Variants in DNAJC1 observed in about 807,000 individuals in gnomAD.
The protein encoded by DNAJC1 is DnaJ heat shock protein family (Hsp40) member C1.
DNAJC1 carries 58 observed loss-of-function variants against 76.6 expected under a neutral mutation model. The ratio of observed to expected loss-of-function variants is 0.76; its 90% CI spans 0.61 to 0.94. DNAJC1 has a LOEUF of 0.94. Among genes scored for constraint, DNAJC1 ranks in the 40% least tolerant of loss-of-function variants. The pLI is 0.00. For synonymous variants in DNAJC1, 258 were observed against 267.9 expected (o/e 0.96, Z 0.36); for missense variants, 689 against 677.3 (o/e 1.02, Z -0.19).
chr10:21,891,796 T>C lies in DNAJC1; in HGVS notation c.821-9357A>G, dbSNP rs76212564. On this transcript the variant is annotated intron_variant, in intron 7 of 11. Transcript: ENST00000376980. ...AAATAATTCGTCACCAGTGGACCTATCCTGCAATAATGGCTAAAAGAAGCT... is the reference window on the plus strand; with the variant it reads ...AAATAATTCGTCACCAGTGGACCTACCCTGCAATAATGGCTAAAAGAAGCT... Among the ~76,000 whole-genome samples, 150 of 152,232 alleles carry C rather than the reference T, an allele frequency of 9.9e-4. 1 individual carries two copies. The highest frequency in any genetic ancestry group is 3.5e-3 in the African/African-American group (145 of 41,534).
chr10:21,908,573 G>A (rs1040768245), intron 6 of DNAJC1, among the ~76,000 whole-genome samples: 2 of 150,062 alleles, frequency 1.3e-5, no homozygotes, highest in East Asian at 3.9e-4. Flanking sequence ...TTTGGGTCCA[G>A]AGTAAACTCC....
chr10:21,838,525 C>A (rs1320069062), intron 8 of DNAJC1, among the ~76,000 whole-genome samples: 2 of 152,106 alleles, frequency 1.3e-5, no homozygotes, highest in East Asian at 1.9e-4. Flanking sequence ...AACCAGAGAC[C>A]CTTGTTCACT....
intron 8 of DNAJC1, among the ~76,000 whole-genome samples, chr10:21,869,854 A>T (rs945628240): frequency 5.3e-5 from 8 of 152,102 alleles, no homozygotes; most frequent in African/African-American, 1.9e-4. Flanking sequence ...CCATTAGGAA[A>T]AACTGGGTGA....
intron 7 of DNAJC1, among the ~76,000 whole-genome samples, chr10:21,896,930 C>T (rs912379512): frequency 6.6e-6 from 1 of 152,154 alleles, no homozygotes; most frequent in African/African-American, 2.4e-5. Flanking sequence ...ACCCCTTTTC[C>T]CCTTCTGTTC....
At chr10:21,763,224 C>T (rs533731375) in intron 10 of DNAJC1, among the ~76,000 whole-genome samples, 1 of 152,302 alleles carries the variant, frequency 6.6e-6, no homozygotes, top group South Asian at 2.1e-4. Flanking sequence ...AGGCACCGTG[C>T]CCAGCCAAGC....
At chr10:21,839,751 T>A (rs1215939271) in intron 8 of DNAJC1, among the ~76,000 whole-genome samples, 1 of 152,170 alleles carries the variant, frequency 6.6e-6, no homozygotes, top group Non-Finnish European at 1.5e-5. Context: ...ACTCATTTTA[T>A]GAGGCCAGCA....
At chr10:21,999,331 C>G (rs538747708) in intron 1 of DNAJC1, among the ~76,000 whole-genome samples, 1 of 152,240 alleles carries the variant, frequency 6.6e-6, no homozygotes, top group African/African-American at 2.4e-5. Flanking sequence ...CCAGCTGATC[C>G]CTTTGTCTTT....
chr10:21,809,008 AAAGT>A (rs1451230536), intron 8 of DNAJC1, among the ~76,000 whole-genome samples: 1 of 152,216 alleles, frequency 6.6e-6, no homozygotes, highest in African/African-American at 2.4e-5. Context: ...TATAGCAACC[AAAGT>A]AAGAACTGAT....
Position 21,929,147 on chromosome 10 carries a change from G to A in DNAJC1, c.223-6C>T. 1 of 1,591,198 alleles carries A rather than the reference G, an allele frequency of 6.3e-7. No homozygotes were observed. The highest frequency in any genetic ancestry group is 8.6e-7 in the Non-Finnish European group (1 of 1,164,880). On this transcript the variant is annotated splice_region_variant and splice_polypyrimidine_tract_variant and intron_variant, in intron 1 of 11. Transcript: ENST00000376980. ...ATGTCTGCAGATGATGCATCCTGGA[G>A]GTGGTAGGGGGAGGGGAAAATACAA...
chr10:21,956,680 C>T (rs1225573228), intron 1 of DNAJC1, among the ~76,000 whole-genome samples: 1 of 151,304 alleles, frequency 6.6e-6, no homozygotes, highest in African/African-American at 2.4e-5. Context: ...TAATTTTTTG[C>T]CTGGATCATT....
intron 6 of DNAJC1, among the ~76,000 whole-genome samples, chr10:21,916,624 A>G (rs9665635): frequency 6.6e-6 from 1 of 152,224 alleles, no homozygotes; most frequent in Non-Finnish European, 1.5e-5. Context: ...CTTTTTGACC[A>G]CTGTTCCAAT....
intron 8 of DNAJC1, among the ~76,000 whole-genome samples, chr10:21,860,336 T>C (rs1434059435): frequency 1.3e-5 from 2 of 152,232 alleles, no homozygotes; most frequent in African/African-American, 4.8e-5. Flanking sequence ...CATACTTTTA[T>C]AAGATACTAA....
intron 2 of DNAJC1, 33 bp from the exon 3 acceptor site, chr10:21,928,585 ACT>A: frequency 6.4e-7 from 1 of 1,552,866 alleles, no homozygotes. Flanking sequence ...AAATAAAAAT[ACT>A]CTCAACTATA....
rs187791757 is a variant in DNAJC1 at position 21,927,533 on chromosome 10, A to C, written c.371+973T>G. Among the ~76,000 whole-genome samples the C allele has an allele frequency of 2.8e-3, 424 of 152,330 alleles. 4 individuals are homozygous for C. The highest frequency in any genetic ancestry group is 9.6e-3 in the African/African-American group (401 of 41,572). On this transcript the variant is annotated intron_variant, in intron 3 of 11. Transcript: ENST00000376980. ...CTCTTGTATCGTAGAACATTTTCAA[A>C]TTTTGGATTGTGGTCCACTAGTGTC...
At chr10:21,918,008 A>G (rs1201104079) in intron 6 of DNAJC1, among the ~76,000 whole-genome samples, 1 of 151,998 alleles carries the variant, frequency 6.6e-6, no homozygotes, top group African/African-American at 2.4e-5. Context: ...GATTATAAAC[A>G]CTTATTTTCT....
intron 10 of DNAJC1, 96 bp downstream of exon 10, chr10:21,766,164 AC>A: frequency 1.0e-6 from 1 of 986,668 alleles, no homozygotes; most frequent in Non-Finnish European, 1.6e-6. Flanking sequence ...ATTAGGCAAA[AC>A]TTCTAGACCC....
chr10:21,836,175 C>T (rs1430843389), intron 8 of DNAJC1, among the ~76,000 whole-genome samples: 1 of 152,224 alleles, frequency 6.6e-6, no homozygotes, highest in Non-Finnish European at 1.5e-5. Flanking sequence ...CAATATTCGA[C>T]ATTCTTAAAG....
intron 1 of DNAJC1, among the ~76,000 whole-genome samples, chr10:21,969,388 A>G (rs554109589): frequency 1.2e-4 from 19 of 152,196 alleles, no homozygotes; most frequent in Non-Finnish European, 2.4e-4. Context: ...TTAACTCATC[A>G]TAATTGCAAA....
chr10:21,810,544 T>G (rs1285796765), intron 8 of DNAJC1, among the ~76,000 whole-genome samples: 1 of 152,024 alleles, frequency 6.6e-6, no homozygotes, highest in African/African-American at 2.4e-5. Flanking sequence ...ACCCAAAGAG[T>G]CATGAATTAA....
Sources: allele counts gnomAD v4.1 joint callset (sites outside exome capture counted in the v4.1 genomes callset), GRCh38; gene constraint gnomAD v4.1.1; transcripts MANE v1.5; gene names NCBI Gene and HGNC (gene_info 2026-07-23, HGNC 2026-07-21).